Variants in DENND6B observed in about 807,000 individuals in gnomAD.
DENND6B encodes protein DENND6B.
In DENND6B, 73 loss-of-function variants were observed where a neutral mutation model predicts 85.1. The ratio of observed to expected loss-of-function variants is 0.86; its 90% CI spans 0.71 to 1.04. The LOEUF (loss-of-function observed/expected upper bound fraction) is 1.04. Among genes scored for constraint, DENND6B ranks in the 50% least tolerant of loss-of-function variants. The pLI is 0.00. For missense variants in DENND6B, 715 were observed against 785.8 expected, an observed-to-expected ratio of 0.91 and a Z score of 1.08; for synonymous variants, 357 against 329.3, an observed-to-expected ratio of 1.08 and a Z score of -0.91.
Position 50,326,961 on chromosome 22 carries a change from G to A in DENND6B, c.28C>T (p.Arg10Cys), listed in dbSNP as rs1362153693. ...GCGCCCAGGCAGCCGCGAGCCCGGC[G>A]AGGCCCTGTGCCCAACAGCGCGTCC... MDALLGTGP[R>C]RARGCLGAAG... The change falls in exon 1 of 20, where the codon CGC (arginine) becomes TGC (cysteine). Residue 10 changes from arginine to cysteine, a missense_variant. Coordinates refer to ENST00000413817, the MANE Select transcript of DENND6B (RefSeq NM_001001794.4). 5 of 1,265,950 alleles carry A rather than the reference G, an allele frequency of 3.9e-6. No homozygotes were observed. The highest frequency in any genetic ancestry group is 4.9e-6 in the Non-Finnish European group (5 of 1,011,230). The allele number at this position is 1,265,950 out of a possible 1,614,324, so 78.4% of individuals were successfully genotyped here.
rs1256536460 is a variant in DENND6B at position 50,314,826 on chromosome 22, G to A, written c.854C>T (p.Ser285Phe). ...LLVLAPSPDV[S>F]SEMVLALTSC... is the part of the protein sequence containing the mutation. The stretch of plus-strand genomic sequence containing the variant: ...GGTCAAGGCCAGCACCATCTCCGAG[G>A]ACACGTCGGGCGAGGGTGCCAGGAC... The change falls in exon 10 of 20, where the codon TCC (serine) becomes TTC (phenylalanine). Residue 285 changes from serine (S) to phenylalanine (F), a missense_variant. Physicochemically the swap from Ser to Phe is radical, Grantham distance 155. Transcript: ENST00000413817. 1 of 1,610,202 alleles carries A rather than the reference G, an allele frequency of 6.2e-7. No individual in the cohort carries two copies. Among genetic ancestry groups the A allele is most frequent in the Non-Finnish European group, 8.5e-7 (1 of 1,178,824 alleles).
chr22:50,322,815 T>C (rs971625920), intron 1 of DENND6B, among the ~76,000 whole-genome samples: 1 of 151,390 alleles, frequency 6.6e-6, no homozygotes, highest in South Asian at 2.1e-4. Flanking sequence ...CTTCCCAAAA[T>C]GTTGGGATAC....
intron 15 of DENND6B, 48 bp from the exon 16 acceptor site, chr22:50,313,547 G>T: frequency 2.1e-6 from 3 of 1,423,532 alleles, no homozygotes; most frequent in Non-Finnish European, 2.8e-6. Context: ...ATGCCCCCCA[G>T]CCCCATCCCC....
Position 50,311,918 on chromosome 22 carries a change from A to G in DENND6B, c.*221T>C. ...CAGAGGCCAGGTGGGACCCAGGAGG[A>G]GGCAAGGCTCTGCCTGCGAGGAACC... On this transcript the variant is annotated 3_prime_UTR_variant, in exon 20 of 20. Coordinates refer to ENST00000413817, the MANE Select transcript of DENND6B (RefSeq NM_001001794.4). 1 of 747,470 alleles carries G rather than the reference A, an allele frequency of 1.3e-6. No homozygotes were observed. The allele number at this position is 747,470 out of a possible 1,614,324, so 46.3% of individuals were successfully genotyped here.
chr22:50,325,641 CTCT>C (rs1463583040), intron 1 of DENND6B, among the ~76,000 whole-genome samples: 1 of 152,118 alleles, frequency 6.6e-6, no homozygotes, highest in East Asian at 1.9e-4. Flanking sequence ...GGCCAGGAAC[CTCT>C]TAACTTCTTT....
Position 50,319,614 on chromosome 22 carries a change from C to T in DENND6B, c.178-611G>A, listed in dbSNP as rs76617119. The T allele has an allele frequency of 7.1e-3, 5,448 of 768,820 alleles. 44 individuals are homozygous for T. The highest frequency in any genetic ancestry group is 8.7e-3 in the Middle Eastern group (13 of 1,502). 47.6% of individuals were successfully genotyped at this position (768,820 alleles called of 1,614,324 possible). A position where few individuals can be genotyped will look rare whatever the true frequency, so the allele number is the denominator to read the frequency against. On this transcript the variant is annotated intron_variant, in intron 1 of 19. Transcript: ENST00000413817. ...ACCCGCCAAGCCAGAGGGCCCCTCACCTGGGATGGTCACGGGGCCCCGCCT... is the reference window on the plus strand; with the variant it reads ...ACCCGCCAAGCCAGAGGGCCCCTCATCTGGGATGGTCACGGGGCCCCGCCT...
chr22:50,312,043 G>A lies in DENND6B; in HGVS notation c.*96C>T, dbSNP rs2147762846. On this transcript the variant is annotated 3_prime_UTR_variant, in exon 20 of 20. Coordinates refer to ENST00000413817, the MANE Select transcript of DENND6B (RefSeq NM_001001794.4). ...CCTGCAGTCTGGGCGGGGGGCCAAG[G>A]AAGGGGAGCGTGTGCTTGGCCCAGT... is the stretch of plus-strand genomic sequence containing the variant. 2.6e-6 allele frequency: 4 copies of A among 1,524,968 alleles called. No individual in the cohort carries two copies. Among genetic ancestry groups the A allele is most frequent in the Middle Eastern group, 4.7e-4 (2 of 4,266 alleles). 94.5% of individuals were successfully genotyped at this position (1,524,968 alleles called of 1,614,324 possible). A position where few individuals can be genotyped will look rare whatever the true frequency, so the allele number is the denominator to read the frequency against.
intron 1 of DENND6B, among the ~76,000 whole-genome samples, chr22:50,325,884 G>A (rs1172736208): frequency 4.6e-5 from 7 of 152,142 alleles, no homozygotes; most frequent in African/African-American, 1.4e-4. Context: ...AGTTCAGCAG[G>A]GCCTTAGAAA....
At chr22:50,315,816 C>G in intron 8 of DENND6B, 47 bp from the exon 9 acceptor site, 1 of 1,485,792 alleles carries the variant, frequency 6.7e-7, no homozygotes, top group Non-Finnish European at 9.0e-7. Context: ...GGCTGGCACC[C>G]CTTGGGCCCC....
rs553064433 is a variant in DENND6B at position 50,313,541 on chromosome 22, C to T, written c.1294-42G>A. On this transcript the variant is annotated intron_variant, in intron 15 of 19. Transcript: ENST00000413817. ...GGGGAGTGAGCCCGGGGACCCATGCCCCCCAGCCCCATCCCCCGCAGCCCC... is the reference window on the plus strand; with the variant it reads ...GGGGAGTGAGCCCGGGGACCCATGCTCCCCAGCCCCATCCCCCGCAGCCCC... 4 of 1,512,134 alleles carry T rather than the reference C, an allele frequency of 2.6e-6. No individual in the cohort carries two copies. The South Asian group carries it at 5.0e-5, about 19-fold the overall frequency. 93.7% of individuals were successfully genotyped at this position (1,512,134 alleles called of 1,614,324 possible). A position where few individuals can be genotyped will look rare whatever the true frequency, so the allele number is the denominator to read the frequency against.
chr22:50,314,204 G>A lies in DENND6B; in HGVS notation c.1138+3C>T. ...GGGGCTCCAGGTCGAGGGGAGCACA[G>A]ACCTGGCTTGGTGTCCAGGGTCTTC... On this transcript the variant is annotated splice_donor_region_variant and intron_variant, in intron 13 of 19. Coordinates refer to ENST00000413817, the MANE Select transcript of DENND6B (RefSeq NM_001001794.4). The A allele has an allele frequency of 6.2e-7, 1 of 1,603,148 alleles. No individual in the cohort carries two copies. Among genetic ancestry groups the A allele is most frequent in the Non-Finnish European group, 8.5e-7 (1 of 1,177,848 alleles).
chr22:50,323,721 CTTTT>C (rs146060526), intron 1 of DENND6B, among the ~76,000 whole-genome samples: 173 of 104,594 alleles, frequency 1.7e-3, no homozygotes, highest in African/African-American at 3.0e-3. Flanking sequence ...CACGCCTAGC[CTTTT>C]TTTTTTTTTT....
Position 50,317,275 on chromosome 22 carries a change from A to T in DENND6B, c.453+18T>A. The stretch of plus-strand genomic sequence containing the variant: ...TGCCGCTCTTGAGGTGCCAGCCCAG[A>T]GTGGCCAAGCAGCGCACCTTCTGGA... On this transcript the variant is annotated intron_variant, in intron 5 of 19. Coordinates refer to ENST00000413817, the MANE Select transcript of DENND6B (RefSeq NM_001001794.4). The T allele has an allele frequency of 6.2e-7, 1 of 1,611,960 alleles. No homozygotes were observed. The highest frequency in any genetic ancestry group is 1.1e-5 in the South Asian group (1 of 91,058).
intron 4 of DENND6B, 24 bp from the exon 5 acceptor site, chr22:50,317,397 A>T (rs777307505): frequency 2.5e-6 from 4 of 1,612,050 alleles, no homozygotes; most frequent in South Asian, 1.1e-5. Context: ...GGTGTTAGCC[A>T]GCCACGCCCC....
chr22:50,319,220 A>G, intron 1 of DENND6B: 1 of 1,473,522 alleles, frequency 6.8e-7, no homozygotes, highest in South Asian at 1.3e-5. Context: ...AGCATGCTGC[A>G]TCCTCCCCAC....
In DENND6B at chr22:50,314,825, G is replaced by A; in HGVS notation, c.855C>T (p.Ser285=). 1.9e-6 allele frequency: 3 copies of A among 1,610,142 alleles called. No homozygotes were observed. Among genetic ancestry groups the A allele is most frequent in the Non-Finnish European group, 2.5e-6 (3 of 1,178,750 alleles). ...LLVLAPSPDV[S]SEMVLALTSC... is the part of the protein sequence containing the mutation. ...TGGTCAAGGCCAGCACCATCTCCGA[G>A]GACACGTCGGGCGAGGGTGCCAGGA... The change falls in exon 10 of 20, where the codon TCC becomes TCT. Residue 285 remains serine (S), a synonymous_variant. Transcript: ENST00000413817.
intron 4 of DENND6B, 147 bp from the exon 5 acceptor site, chr22:50,317,520 C>G: frequency 2.2e-6 from 2 of 914,704 alleles, no homozygotes; most frequent in Non-Finnish European, 3.4e-6. Context: ...TCCGTGCACT[C>G]TGGCCACCAA....
chr22:50,314,061 C>T, intron 13 of DENND6B, 146 bp downstream of exon 13: 2 of 1,285,992 alleles, frequency 1.6e-6, no homozygotes, highest in Middle Eastern at 2.6e-4. Context: ...AGAGAGCGAC[C>T]CCTCCCCAAG....
At chr22:50,314,555 G>C in intron 11 of DENND6B, 50 bp downstream of exon 11, 1 of 1,554,218 alleles carries the variant, frequency 6.4e-7, no homozygotes, top group East Asian at 2.4e-5. Context: ...CAGGAAGGGC[G>C]AGAGGCAGGG....
Sources: allele counts gnomAD v4.1 joint callset (sites outside exome capture counted in the v4.1 genomes callset), GRCh38; gene constraint gnomAD v4.1.1; transcripts MANE v1.5; gene names NCBI Gene and HGNC (gene_info 2026-07-23, HGNC 2026-07-21).